USH2A: variants seen among roughly 807,000 people sequenced by gnomAD.
USH2A encodes the protein Usher syndrome 2A (autosomal recessive, mild).
A neutral mutation model predicts 538.9 loss-of-function variants in USH2A; 443 were observed. The observed-to-expected ratio is 0.82, with a 90% CI of 0.76 to 0.89. The LOEUF is 0.89. Among genes scored for constraint, USH2A ranks in the 40% least tolerant of loss-of-function variants. The pLI is 0.00. For missense variants in USH2A, 6,633 were observed against 6,324.8 expected (o/e 1.05, Z -1.65); for synonymous variants, 2,413 against 2,273.5 (o/e 1.06, Z -1.75).
chr1:216,384,203 T>A (rs940671722), intron 3 of USH2A, among the ~76,000 whole-genome samples: 17 of 151,706 alleles, frequency 1.1e-4, no homozygotes, highest in African/African-American at 3.1e-4. Context: ...ATAAAAAAAA[T>A]TTAAAATTAT....
rs138206574 is a variant in USH2A, at chr1:216,403,159, C to G, written c.651+15355G>C. Among the ~76,000 whole-genome samples, 308 of 152,096 alleles carry G rather than the reference C, an allele frequency of 2.0e-3. 5 individuals carry two copies. The highest frequency in any genetic ancestry group is 7.0e-3 in the African/African-American group (289 of 41,508). On this transcript the variant is annotated intron_variant, in intron 3 of 71. Transcript: ENST00000307340. ...GAAAATCAATCAGTGTAATCAACCA[C>G]ATTAATAGACTAAAGAAGAAAAATC...
chr1:216,266,549 A>G (rs1326731101), intron 11 of USH2A, among the ~76,000 whole-genome samples: 1 of 152,100 alleles, frequency 6.6e-6, no homozygotes, highest in Admixed American at 6.6e-5. Context: ...TCAGGAAGCT[A>G]TTGAGTAATA....
At chr1:215,744,131 A>G (rs1347792480) in intron 58 of USH2A, among the ~76,000 whole-genome samples, 2 of 152,198 alleles carry the variant, frequency 1.3e-5, no homozygotes, top group Non-Finnish European at 2.9e-5. Context: ...TCTGTAGAGC[A>G]TTGTGTATGC....
intron 4 of USH2A, among the ~76,000 whole-genome samples, chr1:216,343,647 A>T (rs2038121062): frequency 9.5e-6 from 1 of 104,866 alleles, no homozygotes; most frequent in Admixed American, 1.0e-4. Flanking sequence ...CCAAAATATG[A>T]TAACAGCCTT....
chr1:216,153,062 A>G (rs2102621979), intron 21 of USH2A, among the ~76,000 whole-genome samples: 1 of 152,222 alleles, frequency 6.6e-6, no homozygotes, highest in African/African-American at 2.4e-5. Context: ...GGGGAAGATC[A>G]TCTTCCCACT....
At chr1:216,154,878 G>T (rs140997807) in intron 21 of USH2A, among the ~76,000 whole-genome samples, 177 of 149,826 alleles carry the variant, frequency 1.2e-3, no homozygotes, top group African/African-American at 4.1e-3. Flanking sequence ...GAATGTAGGC[G>T]CAATGCGTAT....
At chr1:216,369,920 C>CAAAAA (rs71161416) in intron 3 of USH2A, among the ~76,000 whole-genome samples, 1 of 127,390 alleles carries the variant, frequency 7.8e-6, no homozygotes, top group Admixed American at 7.8e-5. Flanking sequence ...GAGACTCTGC[C>CAAAAA]AAAAAAAAAA....
chr1:216,413,820 T>G (rs1035651538), intron 3 of USH2A, among the ~76,000 whole-genome samples: 18 of 152,122 alleles, frequency 1.2e-4, no homozygotes, highest in Admixed American at 1.2e-3. Flanking sequence ...CAAATCGTAG[T>G]AATTGTTTTA....
intron 37 of USH2A, among the ~76,000 whole-genome samples, chr1:215,940,216 G>A (rs1271893238): frequency 1.3e-5 from 2 of 151,994 alleles, no homozygotes; most frequent in African/African-American, 4.8e-5. Flanking sequence ...ACTTCTTGCT[G>A]TACAAAGAAA....
intron 32 of USH2A, among the ~76,000 whole-genome samples, chr1:216,036,326 C>T (rs746752340): frequency 4.0e-5 from 6 of 151,728 alleles, no homozygotes; most frequent in African/African-American, 1.5e-4. Flanking sequence ...AAAGATTGAA[C>T]GACTCTCAAG....
chr1:216,095,626 C>A (rs965617110), intron 22 of USH2A, among the ~76,000 whole-genome samples: 2 of 152,150 alleles, frequency 1.3e-5, no homozygotes, highest in South Asian at 2.1e-4. Context: ...TGTGCACCAG[C>A]CAGGGAGTTA....
intron 29 of USH2A, among the ~76,000 whole-genome samples, chr1:216,070,637 C>T (rs1558241866): frequency 6.6e-6 from 1 of 151,970 alleles, no homozygotes; most frequent in Non-Finnish European, 1.5e-5. Context: ...TAATGATGTA[C>T]CCCCTTTGAA....
chr1:215,882,164 G>C (rs937947555), intron 41 of USH2A, among the ~76,000 whole-genome samples: 9 of 152,166 alleles, frequency 5.9e-5, no homozygotes, highest in African/African-American at 2.2e-4. Context: ...ATGTCTCAAA[G>C]CGGTGTGGCT....
In USH2A at chr1:216,048,645, T is replaced by C; in HGVS notation, c.6052A>G (p.Ile2018Val). Residue 2018 changes from isoleucine to valine, a missense_variant and splice_region_variant, in exon 31 of 72, where the codon ATA (isoleucine) becomes GTA (valine). Coordinates refer to ENST00000307340, the MANE Select transcript of USH2A (RefSeq NM_206933.4). ...TTGAAGGGTAGCAAGCCTGTCAATA[T>C]GCCTATAATAAAAAGGGACAAAAGA... is the stretch of plus-strand genomic sequence containing the variant. Reference protein sequence around the residue: ...EFVNTSNLTGILTGLLPFKNY... With the variant: ...EFVNTSNLTGVLTGLLPFKNY... The C allele has an allele frequency of 3.1e-6, 5 of 1,613,842 alleles. No homozygotes were observed. Among genetic ancestry groups the C allele is most frequent in the South Asian group, 1.1e-5 (1 of 91,074 alleles).
chr1:216,367,884 T>C (rs1462203540), intron 3 of USH2A, among the ~76,000 whole-genome samples: 2 of 152,198 alleles, frequency 1.3e-5, no homozygotes, highest in Non-Finnish European at 2.9e-5. Context: ...ACAATGGAAT[T>C]TCTGATTTGT....
intron 19 of USH2A, among the ~76,000 whole-genome samples, chr1:216,194,408 G>A (rs563787314): frequency 1.5e-4 from 23 of 152,124 alleles, no homozygotes; most frequent in Non-Finnish European, 2.9e-4. Flanking sequence ...CTTGCTGGTC[G>A]CCATCAATGC....
At chr1:215,679,693 C>T (rs1658160915) in intron 62 of USH2A, among the ~76,000 whole-genome samples, 1 of 152,176 alleles carries the variant, frequency 6.6e-6, no homozygotes, top group South Asian at 2.1e-4. Flanking sequence ...CTGTGGCTTG[C>T]TTAATGAGCT....
At chr1:216,192,172 TC>T (rs1442989251) in intron 19 of USH2A, among the ~76,000 whole-genome samples, 1 of 152,004 alleles carries the variant, frequency 6.6e-6, no homozygotes, top group Non-Finnish European at 1.5e-5. Context: ...CTTTTACGTA[TC>T]CCCCCTGTCT....
At chr1:216,256,321 CTT>C (rs201852377) in intron 11 of USH2A, among the ~76,000 whole-genome samples, 19 of 125,454 alleles carry the variant, frequency 1.5e-4, no homozygotes, top group Middle Eastern at 4.7e-3. Flanking sequence ...TTCTTTTTTC[CTT>C]TTTTTTTTTT....
Sources: gnomAD v4.1 joint callset for allele counts (sites outside exome capture counted in the v4.1 genomes callset) on GRCh38, gnomAD v4.1.1 for gene constraint, MANE v1.5 for transcripts, NCBI Gene and HGNC (gene_info 2026-07-23, HGNC 2026-07-21) for gene names.